CAST: variants seen among roughly 807,000 people sequenced by gnomAD.
CAST encodes the protein calpastatin.
CAST carries 76 observed loss-of-function variants against 119.6 expected under a neutral mutation model. That is an observed-to-expected ratio of 0.64 (90% CI 0.53 to 0.77). CAST has a LOEUF of 0.77. Ranked by LOEUF, CAST falls within the 30% of genes least tolerant of loss-of-function variation. CAST has a pLI of 0.00. For missense variants in CAST, 953 were observed against 946.5 expected (o/e 1.01, Z -0.09); for synonymous variants, 319 against 331.6 (o/e 0.96, Z 0.41).
At chr5:96,130,807 C>A in the CAST span, among the ~76,000 whole-genome samples, 1 of 152,050 alleles carries the variant, frequency 6.6e-6, no homozygotes, top group African/African-American at 2.4e-5. Flanking sequence ...CTGACCTTAT[C>A]TAATAAAAAT....
At chr5:96,612,576 A>G (rs1181813251) in intron 1 of CAST, among the ~76,000 whole-genome samples, 1 of 152,178 alleles carries the variant, frequency 6.6e-6, no homozygotes, top group Non-Finnish European at 1.5e-5. Context: ...CGCTGAATCT[A>G]AAATTTGAAG....
At chr5:95,997,371 GA>G in the CAST span, among the ~76,000 whole-genome samples, 1 of 152,046 alleles carries the variant, frequency 6.6e-6, no homozygotes, top group African/African-American at 2.4e-5. Flanking sequence ...TTAAGTTTGA[GA>G]AAAACAGCAT....
the CAST span, among the ~76,000 whole-genome samples, chr5:96,111,180 C>T: frequency 5.9e-5 from 9 of 152,142 alleles, no homozygotes; most frequent in East Asian, 9.6e-4. Flanking sequence ...AGGAACACTT[C>T]GTATTACTGG....
intron 1 of CAST, among the ~76,000 whole-genome samples, chr5:96,625,739 ATG>A: frequency 6.6e-6 from 1 of 152,238 alleles, no homozygotes; most frequent in African/African-American, 2.4e-5. Flanking sequence ...GGAAGGACAG[ATG>A]GCTGACAGCC....
the CAST span, among the ~76,000 whole-genome samples, chr5:96,425,008 A>AAAAGAAAGAAAGAAAGAAAG: frequency 1.0e-4 from 12 of 117,518 alleles, no homozygotes; most frequent in East Asian, 7.8e-4. Context: ...AGAAAGAAAG[A>AAAAGAAAGAAAGAAAGAAAG]AAAGAAAGAA....
the CAST span, among the ~76,000 whole-genome samples, chr5:96,160,185 T>C: frequency 2.0e-5 from 3 of 151,198 alleles, no homozygotes; most frequent in Non-Finnish European, 4.4e-5. Flanking sequence ...ATTCACAGAG[T>C]CATACAGCCA....
At chr5:96,322,489 T>G in the CAST span, among the ~76,000 whole-genome samples, 3 of 152,190 alleles carry the variant, frequency 2.0e-5, no homozygotes, top group Non-Finnish European at 4.4e-5. Flanking sequence ...GACTCTTGTT[T>G]TCCCCTTTGA....
chr5:96,590,532 C>T (rs1387431411), intron 1 of CAST, among the ~76,000 whole-genome samples: 1 of 152,174 alleles, frequency 6.6e-6, no homozygotes, highest in Non-Finnish European at 1.5e-5. Flanking sequence ...CCCAGTGTGC[C>T]ATACAGACAC....
At chr5:96,285,605 C>T in the CAST span, among the ~76,000 whole-genome samples, 2 of 152,196 alleles carry the variant, frequency 1.3e-5, no homozygotes, top group South Asian at 4.1e-4. Context: ...AAGAGAGAAA[C>T]TTAAATCAGT....
At chr5:96,210,722 C>T in the CAST span, among the ~76,000 whole-genome samples, 1 of 151,840 alleles carries the variant, frequency 6.6e-6, no homozygotes, top group African/African-American at 2.4e-5. Flanking sequence ...AGAAATTCTG[C>T]CTGGGATTTT....
chr5:96,218,132 C>T, the CAST span, among the ~76,000 whole-genome samples: 1 of 152,098 alleles, frequency 6.6e-6, no homozygotes, highest in Non-Finnish European at 1.5e-5. Context: ...TGCATGGGTT[C>T]AAATTACAGT....
the CAST span, among the ~76,000 whole-genome samples, chr5:96,140,970 A>G: frequency 6.6e-6 from 1 of 152,204 alleles, no homozygotes; most frequent in African/African-American, 2.4e-5. Flanking sequence ...CCTTATTCAT[A>G]GCTGGATCTT....
At chr5:96,279,377 T>G in the CAST span, among the ~76,000 whole-genome samples, 7,307 of 152,198 alleles carry the variant, frequency 0.048, 581 homozygotes, top group African/African-American at 0.17. Flanking sequence ...CACCTCACTT[T>G]TTGTGCCAAA....
At chr5:96,603,724 T>C (rs1006443555) in intron 1 of CAST, among the ~76,000 whole-genome samples, 2 of 150,910 alleles carry the variant, frequency 1.3e-5, no homozygotes, top group Non-Finnish European at 2.9e-5. Flanking sequence ...CATTATCAAG[T>C]ATTATGTACT....
chr5:96,351,421 A>G, the CAST span, among the ~76,000 whole-genome samples: 1 of 152,178 alleles, frequency 6.6e-6, no homozygotes, highest in African/African-American at 2.4e-5. Context: ...GCAATGGGTA[A>G]TGTAGATTGT....
the CAST span, among the ~76,000 whole-genome samples, chr5:96,154,749 G>A: frequency 2.6e-5 from 4 of 152,160 alleles, no homozygotes; most frequent in Non-Finnish European, 5.9e-5. Context: ...ACTGGGATTT[G>A]TCTGGTGTTT....
chr5:96,556,695 A>G (rs1226590059), intron 1 of CAST, among the ~76,000 whole-genome samples: 1 of 152,228 alleles, frequency 6.6e-6, no homozygotes, highest in African/African-American at 2.4e-5. Context: ...GCCTCCAAGA[A>G]ATATGGGACT....
At chr5:96,381,018 A>G in the CAST span, among the ~76,000 whole-genome samples, 41,794 of 151,982 alleles carry the variant, frequency 0.27, 5,800 homozygotes, top group East Asian at 0.31. Flanking sequence ...GAGAATATCC[A>G]CAACTATGTT....
chr5:96,456,010 A>T, the CAST span, among the ~76,000 whole-genome samples: 3 of 152,184 alleles, frequency 2.0e-5, no homozygotes, highest in Non-Finnish European at 2.9e-5. Flanking sequence ...TCCAAAACAG[A>T]AAATGAAAGT....
Sources: gnomAD v4.1 joint callset for allele counts (sites outside exome capture counted in the v4.1 genomes callset) on GRCh38, gnomAD v4.1.1 for gene constraint, MANE v1.5 for transcripts, NCBI Gene and HGNC (gene_info 2026-07-23, HGNC 2026-07-21) for gene names.